CDKN1B: variants seen among roughly 807,000 people sequenced by gnomAD.
CDKN1B encodes the protein cyclin-dependent kinase inhibitor 1B.
CDKN1B carries 7 observed loss-of-function variants against 17.1 expected under a neutral mutation model. The ratio of observed to expected loss-of-function variants is 0.41; its 90% CI spans 0.23 to 0.77. CDKN1B has a LOEUF of 0.77. CDKN1B is among the 30% of genes least tolerant of loss of function. The probability of loss-of-function intolerance (pLI) is 0.33; values close to 1 mark genes in which losing one functional copy is unlikely to be tolerated. For synonymous variants in CDKN1B, 149 were observed against 104.3 expected, an observed-to-expected ratio of 1.43 and a Z score of -2.61; for missense variants, 337 against 262.0, an observed-to-expected ratio of 1.29 and a Z score of -1.98.
At chr12:12,718,795 GTT>G (rs1565419976) in intron 1 of CDKN1B, 28 bp from the exon 2 acceptor site, 1 of 1,613,532 alleles carries the variant, frequency 6.2e-7, no homozygotes, top group Admixed American at 1.7e-5. Context: ...AAGATTGTGT[GTT>G]CTTTTTAAAA....
chr12:12,717,744 C>T lies in CDKN1B; in HGVS notation c.-96C>T. ...GGCTCCGAGGGCAGTCGCTGGGCTTCCGAGAGGGGTTCGGGCTGCGTAGGG... is the reference window on the plus strand; with the variant it reads ...GGCTCCGAGGGCAGTCGCTGGGCTTTCGAGAGGGGTTCGGGCTGCGTAGGG... On this transcript the variant is annotated 5_prime_UTR_variant, in exon 1 of 3. Coordinates refer to ENST00000228872, the MANE Select transcript of CDKN1B (RefSeq NM_004064.5). The T allele has an allele frequency of 3.8e-6, 6 of 1,591,878 alleles. No homozygotes were observed. The highest frequency in any genetic ancestry group is 5.1e-6 in the Non-Finnish European group (6 of 1,176,464).
At position 12,718,196 on chromosome 12, in the gene CDKN1B, T is replaced by TG; in HGVS notation, c.361dup (p.Ala121GlyfsTer4). 1 of 1,612,904 alleles carries TG rather than the reference T, an allele frequency of 6.2e-7. No homozygotes were observed. Among genetic ancestry groups the TG allele is most frequent in the Non-Finnish European group, 8.5e-7 (1 of 1,179,772 alleles). On this transcript the variant is annotated frameshift_variant, in exon 1 of 3. Transcript: ENST00000228872. LOFTEE classifies it high-confidence loss of function. The stretch of plus-strand genomic sequence containing the variant: ...GGAGCCGCCCGGCGGCGCCTTTAAT[T>TG]GGGGCTCCGGCTAACTCTGAGGACA...
rs375515128 is a variant in CDKN1B, at chr12:12,717,981, C to T, written c.142C>T (p.His48Tyr). 5.0e-6 allele frequency: 8 copies of T among 1,614,132 alleles called. No homozygotes were observed. The highest frequency in any genetic ancestry group is 3.3e-5 in the Admixed American group (2 of 60,014). Residue 48 changes from histidine to tyrosine, a missense_variant, in exon 1 of 3, where the codon CAC becomes TAC. By Grantham distance (83) the His-to-Tyr change is moderately conservative. Coordinates refer to ENST00000228872, the MANE Select transcript of CDKN1B (RefSeq NM_004064.5). The stretch of plus-strand genomic sequence containing the variant: ...AGAGTTAACCCGGGACTTGGAGAAG[C>T]ACTGCAGAGACATGGAAGAGGCGAG... ...HEELTRDLEK[H>Y]CRDMEEASQR...
In CDKN1B at chr12:12,718,281, T is replaced by C. The variant is rs775877516; in HGVS notation, c.442T>C (p.Cys148Arg). ...SDSQTGLAEQ[C>R]AGIRKRPATD... ...CAGCCAGACGGGGTTAGCGGAGCAA[T>C]GCGCAGGAATAAGGAAGCGACCTGC... Residue 148 changes from cysteine to arginine, a missense_variant, in exon 1 of 3, where the codon TGC becomes CGC. Physicochemically the swap from Cys to Arg is radical, Grantham distance 180 (BLOSUM62 -3). Transcript: ENST00000228872. 1.2e-6 allele frequency: 2 copies of C among 1,604,838 alleles called. No individual in the cohort carries two copies. Among genetic ancestry groups the C allele is most frequent in the South Asian group, 2.2e-5 (2 of 91,066 alleles).
intron 1 of CDKN1B, among the ~76,000 whole-genome samples, 159 bp downstream of exon 1, chr12:12,718,473 CTGTT>C (rs770848924): frequency 2.0e-4 from 31 of 152,188 alleles, no homozygotes; most frequent in African/African-American, 5.5e-4. Context: ...CACTGCTTGT[CTGTT>C]TGTGACTTTT....
At chr12:12,719,366 A>G (rs1237074545) in intron 2 of CDKN1B, 4 of 210,538 alleles carry the variant, frequency 1.9e-5, no homozygotes, top group Admixed American at 5.3e-5. Flanking sequence ...ATACATGGAA[A>G]AATGGCAAAT....
rs149775942 is a variant in CDKN1B, at chr12:12,718,265, G to C, written c.426G>C (p.Thr142=). 1 of 1,609,014 alleles carries C rather than the reference G, an allele frequency of 6.2e-7. No individual in the cohort carries two copies. The change falls in exon 1 of 3, where the codon ACG becomes ACC. Residue 142 remains threonine (T), a synonymous_variant. Coordinates refer to ENST00000228872, the MANE Select transcript of CDKN1B (RefSeq NM_004064.5). ...DPKTDPSDSQ[T]GLAEQCAGIR... is the part of the protein sequence containing the mutation. ...AGACTGATCCGTCGGACAGCCAGAC[G>C]GGGTTAGCGGAGCAATGCGCAGGAA...
rs758972461 is a variant in CDKN1B, at chr12:12,721,563, T to C, written c.*536T>C. On this transcript the variant is annotated 3_prime_UTR_variant, in exon 3 of 3. Transcript: ENST00000228872. ...AATTGCTATTTATTTTTACAAGAAG[T>C]TTATTCTCATTTGGGAGATCTGGTG... The C allele has an allele frequency of 4.9e-5, 8 of 162,350 alleles. No homozygotes were observed. Among genetic ancestry groups the C allele is most frequent in the Non-Finnish European group, 8.0e-5 (6 of 74,598 alleles). 10.1% of individuals were successfully genotyped at this position (162,350 alleles called of 1,614,324 possible).
rs1592280855 is a variant in CDKN1B at position 12,718,001 on chromosome 12, G to A, written c.162G>A (p.Glu54=). 6.2e-7 allele frequency: 1 copy of A among 1,614,238 alleles called. No individual in the cohort carries two copies. Among genetic ancestry groups the A allele is most frequent in the Non-Finnish European group, 8.5e-7 (1 of 1,180,050 alleles). Residue 54 remains glutamate (E), a synonymous_variant, in exon 1 of 3, where the codon GAG becomes GAA. Transcript: ENST00000228872. ...AGAAGCACTGCAGAGACATGGAAGA[G>A]GCGAGCCAGCGCAAGTGGAATTTCG... ...DLEKHCRDME[E]ASQRKWNFDF... is the part of the protein sequence containing the mutation.
rs182139309 is a variant in CDKN1B, at chr12:12,718,624, C to A, written c.476-201C>A. On this transcript the variant is annotated intron_variant, in intron 1 of 2. Transcript: ENST00000228872. ...GTCCGCCTCCTGGCTAGGGAAAGAG[C>A]TCTGGGGCGGAGAATGCACTTTCTG... Among the ~76,000 whole-genome samples the A allele has an allele frequency of 5.3e-4, 80 of 152,176 alleles. No individual in the cohort carries two copies. The East Asian group carries it at 0.012, about 23-fold the overall frequency.
At position 12,721,465 on chromosome 12, in the gene CDKN1B, T is replaced by C. The variant is rs940659935; in HGVS notation, c.*438T>C. 3.2e-6 allele frequency: 1 copy of C among 315,430 alleles called. No individual in the cohort carries two copies. The highest frequency in any genetic ancestry group is 4.9e-5 in the East Asian group (1 of 20,260). 19.5% of individuals were successfully genotyped at this position (315,430 alleles called of 1,614,324 possible). A position where few individuals can be genotyped will look rare whatever the true frequency, so the allele number is the denominator to read the frequency against. On this transcript the variant is annotated 3_prime_UTR_variant, in exon 3 of 3. Coordinates refer to ENST00000228872, the MANE Select transcript of CDKN1B (RefSeq NM_004064.5). ...GGGTTTGAATTGTTTTCTTTAAAGA[T>C]GTAATGTCCCTTTCAGAGACAGCTG... is the stretch of plus-strand genomic sequence containing the variant.
In CDKN1B at chr12:12,720,938, T is replaced by C. The variant is rs2136358797; in HGVS notation, c.*9-98T>C. On this transcript the variant is annotated intron_variant, in intron 2 of 2. Transcript: ENST00000228872. ...TCAAACTTTTTTCCCCATCAAGTAT[T>C]TCCAAGCTAACATAGTGACAAAATA... 4 of 554,784 alleles carry C rather than the reference T, an allele frequency of 7.2e-6. No homozygotes were observed. In the South Asian group the frequency reaches 1.0e-4, roughly 15 times the overall value. 34.4% of individuals were successfully genotyped at this position (554,784 alleles called of 1,614,324 possible).
chr12:12,719,018 T>C, intron 2 of CDKN1B, 64 bp downstream of exon 2: 2 of 1,593,186 alleles, frequency 1.3e-6, no homozygotes, highest in Non-Finnish European at 1.7e-6. Flanking sequence ...CGATACCTGA[T>C]CTTACTGGTT....
intron 1 of CDKN1B, among the ~76,000 whole-genome samples, chr12:12,718,540 C>T (rs1044864762): frequency 1.3e-5 from 2 of 152,284 alleles, no homozygotes; most frequent in Non-Finnish European, 2.9e-5. Context: ...CTTAATACAT[C>T]GCGGTCCCTC....
Position 12,717,551 on chromosome 12 carries a change from C to T in CDKN1B, c.-289C>T, listed in dbSNP as rs1445250995. 104 of 1,404,812 alleles carry T rather than the reference C, an allele frequency of 7.4e-5. No homozygotes were observed. Among genetic ancestry groups the T allele is most frequent in the Non-Finnish European group, 9.3e-5 (101 of 1,080,902 alleles). The allele number at this position is 1,404,812 out of a possible 1,614,324, so 87.0% of individuals were successfully genotyped here. A position where few individuals can be genotyped will look rare whatever the true frequency, so the allele number is the denominator to read the frequency against. On this transcript the variant is annotated 5_prime_UTR_variant, in exon 1 of 3. Transcript: ENST00000228872. ...CCGCGGGCTTGCACCCGCCCAGACT[C>T]GGACGGGCTTTGCCACCCTCTCCGC...
At chr12:12,720,889 G>A (rs753818936) in intron 2 of CDKN1B, 147 bp from the exon 3 acceptor site, 3 of 499,008 alleles carry the variant, frequency 6.0e-6, no homozygotes, top group East Asian at 6.6e-5. Flanking sequence ...TTAAGAGAAT[G>A]TTAGGTGGAG....
rs752899896 is a variant in CDKN1B, at chr12:12,721,097, T to C, written c.*70T>C. On this transcript the variant is annotated 3_prime_UTR_variant, in exon 3 of 3. Transcript: ENST00000228872. The stretch of plus-strand genomic sequence containing the variant: ...ACTGCTTGATGAAGCAAGGAAGATA[T>C]ACATGAAAATTTTAAAAATACATAT... 2.2e-5 allele frequency: 17 copies of C among 772,070 alleles called. No individual in the cohort carries two copies. The highest frequency in any genetic ancestry group is 3.4e-5 in the Non-Finnish European group (14 of 414,464). 47.8% of individuals were successfully genotyped at this position (772,070 alleles called of 1,614,324 possible).
At chr12:12,718,474 T>G (rs958141956) in intron 1 of CDKN1B, among the ~76,000 whole-genome samples, 160 bp downstream of exon 1, 2 of 152,134 alleles carry the variant, frequency 1.3e-5, no homozygotes, top group African/African-American at 4.8e-5. Flanking sequence ...ACTGCTTGTC[T>G]GTTTGTGACT....
At chr12:12,720,601 T>A (rs1946532862) in intron 2 of CDKN1B, among the ~76,000 whole-genome samples, 1 of 152,314 alleles carries the variant, frequency 6.6e-6, no homozygotes, top group Non-Finnish European at 1.5e-5. Context: ...TTGACCTAGA[T>A]TATTTAGAGT....
Sources: allele counts gnomAD v4.1 joint callset (sites outside exome capture counted in the v4.1 genomes callset), GRCh38; gene constraint gnomAD v4.1.1; transcripts MANE v1.5; gene names NCBI Gene and HGNC (gene_info 2026-07-23, HGNC 2026-07-21).